Variants in TOP1 observed in about 807,000 individuals in gnomAD.
TOP1 encodes DNA topoisomerase 1.
In TOP1, 10 loss-of-function variants were observed where a neutral mutation model predicts 111.1. The observed-to-expected ratio is 0.09, with a 90% CI of 0.06 to 0.15. TOP1 has a LOEUF of 0.15. Ranked by LOEUF, TOP1 falls within the 10% of genes least tolerant of loss-of-function variation. The pLI is 1.00. For missense variants in TOP1, 474 were observed against 926.7 expected, an observed-to-expected ratio of 0.51 and a Z score of 6.34; for synonymous variants, 271 against 302.9, an observed-to-expected ratio of 0.89 and a Z score of 1.10.
rs1246868284 is a variant in TOP1 at position 41,112,042 on chromosome 20, A to AT, written c.1309-733dup. On this transcript the variant is annotated intron_variant, in intron 13 of 20. Transcript: ENST00000361337. The surrounding 1 kb of genome is among the most constrained non-coding windows in gnomAD (Gnocchi z 5.8). ...TTTAACCCTTCCACCAAAAGCTCTT[A>AT]TTTTTTTAAAGGCTTCCCAGAAACA... Among the ~76,000 whole-genome samples the AT allele has an allele frequency of 1.3e-5, 2 of 152,070 alleles. No individual in the cohort carries two copies. The highest frequency in any genetic ancestry group is 2.9e-5 in the Non-Finnish European group (2 of 67,992).
Position 41,061,199 on chromosome 20 carries a change from C to T in TOP1, c.59-195C>T, listed in dbSNP as rs117789184. Among the ~76,000 whole-genome samples the T allele has an allele frequency of 6.6e-6, 1 of 152,222 alleles. No homozygotes were observed. Among genetic ancestry groups the T allele is most frequent in the East Asian group, 1.9e-4 (1 of 5,184 alleles). On this transcript the variant is annotated intron_variant, in intron 2 of 20. Transcript: ENST00000361337. The surrounding 1 kb of genome is among the most constrained non-coding windows in gnomAD (Gnocchi z 4.6). Reference sequence around the variant, plus strand: ...TATCCTCCCCATATTAGTAACTTGTCTTGATTGTAGAAGCAGGCTAATGGG... The same window carrying T: ...TATCCTCCCCATATTAGTAACTTGTTTTGATTGTAGAAGCAGGCTAATGGG...
intron 3 of TOP1, 87 bp from the exon 4 acceptor site, chr20:41,076,084 C>T (rs992222713): frequency 1.1e-5 from 16 of 1,422,554 alleles, no homozygotes; most frequent in African/African-American, 2.9e-5. Flanking sequence ...TAAGTTTCCA[C>T]GGTTCATGTT....
chr20:41,054,245 C>T (rs908275187), intron 2 of TOP1, among the ~76,000 whole-genome samples: 1 of 152,090 alleles, frequency 6.6e-6, no homozygotes, highest in Admixed American at 6.6e-5. Context: ...CCATGCTGTT[C>T]TTGTGATAGT....
At position 41,123,175 on chromosome 20, in the gene TOP1, T is replaced by TATTTC. The variant is rs1209838062; in HGVS notation, c.2196-19_2196-15dup. ...TGCTGAGTCACCCTAATCCCCCCCTTATTTCTCCTTTGTTTGCAGGTGCAA... is the reference window on the plus strand; with the variant it reads ...TGCTGAGTCACCCTAATCCCCCCCTTATTTCATTTCTCCTTTGTTTGCAGGTGCAA... On this transcript the variant is annotated intron_variant, in intron 20 of 20. Coordinates refer to ENST00000361337, the MANE Select transcript of TOP1 (RefSeq NM_003286.4). This position sits in a 1 kb window ranked among gnomAD's most constrained non-coding sequence, Gnocchi z 5.8. 2.5e-6 allele frequency: 4 copies of TATTTC among 1,585,726 alleles called. No individual in the cohort carries two copies. The highest frequency in any genetic ancestry group is 3.5e-6 in the Non-Finnish European group (4 of 1,154,502).
chr20:41,041,277 G>A (rs1176712145), intron 2 of TOP1, among the ~76,000 whole-genome samples: 1 of 151,592 alleles, frequency 6.6e-6, no homozygotes, highest in Non-Finnish European at 1.5e-5. Flanking sequence ...TCGGGACCCC[G>A]TCTCTACAAA....
rs2033546368 is a variant in TOP1 at position 41,061,620 on chromosome 20, T to C, written c.155+130T>C. ...AGTAAGTAGAAACTGTATTTGATCC[T>C]AGAGTTGCTATGAGGATGGCCATGA... On this transcript the variant is annotated intron_variant, in intron 3 of 20. Transcript: ENST00000361337. This position sits in a 1 kb window ranked among gnomAD's most constrained non-coding sequence, Gnocchi z 4.6. The C allele has an allele frequency of 5.1e-6, 4 of 777,464 alleles. No individual in the cohort carries two copies. Among genetic ancestry groups the C allele is most frequent in the Non-Finnish European group, 8.2e-6 (4 of 488,840 alleles). 48.2% of individuals were successfully genotyped at this position (777,464 alleles called of 1,614,324 possible). A position where few individuals can be genotyped will look rare whatever the true frequency, so the allele number is the denominator to read the frequency against.
In TOP1 at chr20:41,124,079, T is replaced by A. The variant is rs1173115395; in HGVS notation, c.*782T>A. 8.6e-6 allele frequency: 2 copies of A among 233,274 alleles called. No homozygotes were observed. Among genetic ancestry groups the A allele is most frequent in the East Asian group, 1.2e-4 (2 of 16,508 alleles). 14.5% of individuals were successfully genotyped at this position (233,274 alleles called of 1,614,324 possible). On this transcript the variant is annotated 3_prime_UTR_variant, in exon 21 of 21. Coordinates refer to ENST00000361337, the MANE Select transcript of TOP1 (RefSeq NM_003286.4). This position sits in a 1 kb window ranked among gnomAD's most constrained non-coding sequence, Gnocchi z 5.4. ...AAATAATCAGTGACTGAAACCATTT[T>A]CCCATCATCCTTTGTTCTGAGCATT...
rs530821339 is a variant in TOP1, at chr20:41,101,890, A to T, written c.1308+537A>T. On this transcript the variant is annotated intron_variant, in intron 13 of 20. Transcript: ENST00000361337. The surrounding 1 kb of genome is among the most constrained non-coding windows in gnomAD (Gnocchi z 4.1). ...AAATGTGTGTGAAAGCACATCATAA[A>T]ACTGTGTTACATACCTATGCACTGT... Among the ~76,000 whole-genome samples the T allele has an allele frequency of 6.6e-6, 1 of 152,346 alleles. No homozygotes were observed. The highest frequency in any genetic ancestry group is 2.1e-4 in the South Asian group (1 of 4,826).
intron 2 of TOP1, among the ~76,000 whole-genome samples, chr20:41,031,048 G>A (rs369515247): frequency 6.6e-6 from 1 of 152,196 alleles, no homozygotes; most frequent in Non-Finnish European, 1.5e-5. Context: ...GTATAGGGGA[G>A]TTAATTTTGT....
In TOP1 at chr20:41,033,022, T is replaced by A. The variant is rs541243015; in HGVS notation, c.58+3567T>A. ...CAACTGGACTCCTTGAGGCACCTTT[T>A]TAGAATTAGTGAGCCGCTAGGATTT... On this transcript the variant is annotated intron_variant, in intron 2 of 20. Coordinates refer to ENST00000361337, the MANE Select transcript of TOP1 (RefSeq NM_003286.4). 2.6e-5 allele frequency among the ~76,000 whole-genome samples: 4 copies of A among 152,338 alleles called. No homozygotes were observed. In the East Asian group the frequency reaches 7.7e-4, roughly 29 times the overall value.
At position 41,110,982 on chromosome 20, in the gene TOP1, C is replaced by G. The variant is rs1240977053; in HGVS notation, c.1309-1800C>G. 6.6e-6 allele frequency among the ~76,000 whole-genome samples: 1 copy of G among 152,186 alleles called. No individual in the cohort carries two copies. The highest frequency in any genetic ancestry group is 1.5e-5 in the Non-Finnish European group (1 of 68,040). On this transcript the variant is annotated intron_variant, in intron 13 of 20. Coordinates refer to ENST00000361337, the MANE Select transcript of TOP1 (RefSeq NM_003286.4). The surrounding 1 kb of genome is among the most constrained non-coding windows in gnomAD (Gnocchi z 4.2). Reference sequence around the variant, plus strand: ...TAGATCCTTGGTGCAGAAGCCCAGCCAGCCTGTGAAGAAAAGTTGGTCTGG... The same window carrying G: ...TAGATCCTTGGTGCAGAAGCCCAGCGAGCCTGTGAAGAAAAGTTGGTCTGG...
rs16989556 is a variant in TOP1, at chr20:41,112,244, A to G, written c.1309-538A>G. On this transcript the variant is annotated intron_variant, in intron 13 of 20. Transcript: ENST00000361337. The surrounding 1 kb of genome is among the most constrained non-coding windows in gnomAD (Gnocchi z 5.8). ...ATTTAATGGAATTCACTTAGATTTA[A>G]TGGAATTCAGTCCTGGTAGAAAACT... is the stretch of plus-strand genomic sequence containing the variant. Among the ~76,000 whole-genome samples the G allele has an allele frequency of 3.5e-4, 53 of 152,342 alleles. 1 individual carries two copies. In the East Asian group the frequency reaches 9.4e-3, roughly 27 times the overall value.
At chr20:41,051,666 G>A (rs1465933174) in intron 2 of TOP1, among the ~76,000 whole-genome samples, 1 of 152,010 alleles carries the variant, frequency 6.6e-6, no homozygotes, top group African/African-American at 2.4e-5. Context: ...GGGTACCAGG[G>A]TTGTTAGAGT....
At chr20:41,057,373 C>G (rs972444961) in intron 2 of TOP1, among the ~76,000 whole-genome samples, 1 of 151,616 alleles carries the variant, frequency 6.6e-6, no homozygotes, top group African/African-American at 2.4e-5. Context: ...CAGAGTGAGA[C>G]TCTGTCTCCA....
At position 41,121,987 on chromosome 20, in the gene TOP1, G is replaced by A. The variant is rs1375481790; in HGVS notation, c.2046-19G>A. 3.7e-6 allele frequency: 6 copies of A among 1,613,350 alleles called. No homozygotes were observed. Among genetic ancestry groups the A allele is most frequent in the Non-Finnish European group, 5.1e-6 (6 of 1,179,756 alleles). On this transcript the variant is annotated intron_variant, in intron 19 of 20. Coordinates refer to ENST00000361337, the MANE Select transcript of TOP1 (RefSeq NM_003286.4). This position sits in a 1 kb window ranked among gnomAD's most constrained non-coding sequence, Gnocchi z 4.2. ...CTAGAGCCCAGGCCTGGTTCTTGAG[G>A]ACTTTGCTATTCTTCTAGGGTAGTA...
In TOP1 at chr20:41,067,329, C is replaced by T. The variant is rs2033620771; in HGVS notation, c.155+5839C>T. ...AGAGACGAGGTTTCACCATATTGGCCAGGCTGGTCTCGAACTCCTGGCCTT... is the reference window on the plus strand; with the variant it reads ...AGAGACGAGGTTTCACCATATTGGCTAGGCTGGTCTCGAACTCCTGGCCTT... On this transcript the variant is annotated intron_variant, in intron 3 of 20. Coordinates refer to ENST00000361337, the MANE Select transcript of TOP1 (RefSeq NM_003286.4). The surrounding 1 kb of genome is among the most constrained non-coding windows in gnomAD (Gnocchi z 4.0). Among the ~76,000 whole-genome samples, 1 of 152,042 alleles carries T rather than the reference C, an allele frequency of 6.6e-6. No individual in the cohort carries two copies. The highest frequency in any genetic ancestry group is 1.5e-5 in the Non-Finnish European group (1 of 68,022).
chr20:41,101,107 A>G lies in TOP1; in HGVS notation c.1164-102A>G. On this transcript the variant is annotated intron_variant, in intron 12 of 20. Coordinates refer to ENST00000361337, the MANE Select transcript of TOP1 (RefSeq NM_003286.4). The surrounding 1 kb of genome is among the most constrained non-coding windows in gnomAD (Gnocchi z 4.1). ...TACTGTATTGACTGTTAAGAAGGAA[A>G]CTTGGAAAATTATGCTCAGCAGATA... The G allele has an allele frequency of 1.5e-6, 2 of 1,314,726 alleles. No homozygotes were observed. The allele number at this position is 1,314,726 out of a possible 1,614,324, so 81.4% of individuals were successfully genotyped here.
At position 41,100,292 on chromosome 20, in the gene TOP1, C is replaced by A; in HGVS notation, c.1163+49C>A. 1 of 1,475,430 alleles carries A rather than the reference C, an allele frequency of 6.8e-7. No homozygotes were observed. The highest frequency in any genetic ancestry group is 1.2e-5 in the South Asian group (1 of 82,252). 91.4% of individuals were successfully genotyped at this position (1,475,430 alleles called of 1,614,324 possible). A position where few individuals can be genotyped will look rare whatever the true frequency, so the allele number is the denominator to read the frequency against. On this transcript the variant is annotated intron_variant, in intron 12 of 20. Transcript: ENST00000361337. This position sits in a 1 kb window ranked among gnomAD's most constrained non-coding sequence, Gnocchi z 4.4. Reference sequence around the variant, plus strand: ...GGCCAAAAAGGGGGTGGAGGGCGTCCTTTATTGTACTTGGGAATATTTCCC... The same window carrying A: ...GGCCAAAAAGGGGGTGGAGGGCGTCATTTATTGTACTTGGGAATATTTCCC...
rs952636372 is a variant in TOP1, at chr20:41,109,760, G to A, written c.1309-3022G>A. ...TCAGTGGAGTGAAGATTTAACCACAGGGAGATACGAATTCCAGTTCTAGGT... is the reference window on the plus strand; with the variant it reads ...TCAGTGGAGTGAAGATTTAACCACAAGGAGATACGAATTCCAGTTCTAGGT... On this transcript the variant is annotated intron_variant, in intron 13 of 20. Transcript: ENST00000361337. The surrounding 1 kb of genome is among the most constrained non-coding windows in gnomAD (Gnocchi z 4.1). Among the ~76,000 whole-genome samples the A allele has an allele frequency of 2.6e-5, 4 of 152,170 alleles. No individual in the cohort carries two copies. The highest frequency in any genetic ancestry group is 4.4e-5 in the Non-Finnish European group (3 of 68,020).
Sources: allele counts gnomAD v4.1 joint callset (sites outside exome capture counted in the v4.1 genomes callset), GRCh38; gene constraint gnomAD v4.1.1; non-coding constraint Gnocchi (gnomAD v3.1); transcripts MANE v1.5; gene names NCBI Gene and HGNC (gene_info 2026-07-23, HGNC 2026-07-21).